NOL4: variants seen among roughly 807,000 people sequenced by gnomAD.
The protein encoded by NOL4 is nucleolar protein 4, also known as cancer/testis antigen 125.
Under a neutral mutation model 75.9 loss-of-function variants are expected in NOL4, and 17 were observed. The ratio of observed to expected loss-of-function variants is 0.22; its 90% confidence interval spans 0.15 to 0.34. The LOEUF is 0.34. Among genes scored for constraint, NOL4 ranks in the 10% least tolerant of loss-of-function variants. NOL4 has a pLI of 1.00. For synonymous variants in NOL4, 292 were observed against 289.9 expected (o/e 1.01, Z -0.07); for missense variants, 614 against 793.5 (o/e 0.77, Z 2.72).
chr18:34,188,207 A>C (rs960165483), intron 1 of NOL4, among the ~76,000 whole-genome samples: 3 of 152,190 alleles, frequency 2.0e-5, no homozygotes, highest in Non-Finnish European at 2.9e-5. Context: ...TATACTTGCC[A>C]CTAAAATAAT....
chr18:34,129,743 G>T, intron 2 of NOL4, 128 bp downstream of exon 2: 1 of 769,528 alleles, frequency 1.3e-6, no homozygotes, highest in Non-Finnish European at 1.9e-6. Context: ...TAAATGTTGG[G>T]CATGACCATC....
chr18:34,016,322 C>T (rs895805444), intron 6 of NOL4, among the ~76,000 whole-genome samples: 4 of 151,982 alleles, frequency 2.6e-5, no homozygotes, highest in African/African-American at 9.7e-5. Flanking sequence ...TTTTCTAGTG[C>T]CTATCCTATT....
At chr18:33,972,924 G>A (rs932660382) in intron 6 of NOL4, among the ~76,000 whole-genome samples, 2 of 152,200 alleles carry the variant, frequency 1.3e-5, no homozygotes, top group Admixed American at 1.3e-4. Context: ...GATCAGCATG[G>A]TGATTGCTGA....
intron 6 of NOL4, among the ~76,000 whole-genome samples, chr18:33,972,178 A>T (rs182194880): frequency 0.02 from 3,092 of 151,954 alleles, 50 homozygotes; most frequent in Non-Finnish European, 0.027. Context: ...AAAAAAAAAA[A>T]TTTAAACAAA....
At chr18:34,134,790 T>C (rs1285608153) in intron 1 of NOL4, among the ~76,000 whole-genome samples, 2 of 152,026 alleles carry the variant, frequency 1.3e-5, no homozygotes, top group Non-Finnish European at 2.9e-5. Context: ...GGAATTAAAT[T>C]AGAAATTAAT....
intron 1 of NOL4, among the ~76,000 whole-genome samples, chr18:34,214,686 T>C (rs1367062810): frequency 6.6e-6 from 1 of 152,030 alleles, no homozygotes; most frequent in Non-Finnish European, 1.5e-5. Context: ...AAATTGAAAG[T>C]AGGGTTTTGA....
chr18:34,216,907 G>A (rs6507078), intron 1 of NOL4, among the ~76,000 whole-genome samples: 27,066 of 151,606 alleles, frequency 0.18, 2,540 homozygotes, highest in East Asian at 0.26. Flanking sequence ...TTCTTTTGTC[G>A]CATTGACAAT....
chr18:34,139,717 C>T (rs535240890), intron 1 of NOL4, among the ~76,000 whole-genome samples: 1 of 152,204 alleles, frequency 6.6e-6, no homozygotes, highest in Admixed American at 6.5e-5. Flanking sequence ...TTGCCTTCTG[C>T]TAGCTTTTGA....
intron 5 of NOL4, among the ~76,000 whole-genome samples, chr18:34,031,372 GAA>G (rs1218417675): frequency 1.3e-5 from 2 of 152,154 alleles, no homozygotes. Flanking sequence ...GAAATGTAAA[GAA>G]AAGACATGTA....
intron 6 of NOL4, among the ~76,000 whole-genome samples, chr18:33,999,434 G>T (rs1283574285): frequency 1.3e-5 from 2 of 151,772 alleles, no homozygotes; most frequent in Non-Finnish European, 2.9e-5. Flanking sequence ...ATTTTCTAAG[G>T]CAATTATGAA....
chr18:34,121,774 A>G (rs968423095), intron 2 of NOL4, among the ~76,000 whole-genome samples: 1 of 152,168 alleles, frequency 6.6e-6, no homozygotes, highest in Non-Finnish European at 1.5e-5. Context: ...ATGTCTCTCA[A>G]CTGGGAGTGT....
chr18:33,946,840 A>G (rs1183521539), intron 8 of NOL4, among the ~76,000 whole-genome samples: 1 of 151,766 alleles, frequency 6.6e-6, no homozygotes, highest in East Asian at 1.9e-4. Context: ...TGAATTCATA[A>G]GATTTTAAAG....
chr18:34,048,177 A>G (rs2076466599), intron 5 of NOL4, among the ~76,000 whole-genome samples: 1 of 152,250 alleles, frequency 6.6e-6, no homozygotes, highest in African/African-American at 2.4e-5. Flanking sequence ...AATAAATTAA[A>G]TGCCAAAAGC....
intron 1 of NOL4, among the ~76,000 whole-genome samples, chr18:34,168,117 G>GA (rs1370037451): frequency 1.3e-5 from 2 of 151,484 alleles, no homozygotes; most frequent in African/African-American, 4.8e-5. Context: ...AGAAATTTAG[G>GA]AAAAATGTCA....
At chr18:34,205,317 C>A (rs2036046557) in intron 1 of NOL4, among the ~76,000 whole-genome samples, 1 of 152,058 alleles carries the variant, frequency 6.6e-6, no homozygotes. Context: ...GAAAATGTAG[C>A]CTAGATATTC....
intron 5 of NOL4, among the ~76,000 whole-genome samples, chr18:34,044,845 T>C (rs1321182867): frequency 6.6e-6 from 1 of 152,176 alleles, no homozygotes; most frequent in East Asian, 1.9e-4. Context: ...ATGGCACCCA[T>C]GCACTTTCAG....
intron 2 of NOL4, among the ~76,000 whole-genome samples, chr18:34,117,767 T>G (rs1432743393): frequency 6.6e-6 from 1 of 152,176 alleles, no homozygotes; most frequent in African/African-American, 2.4e-5. Flanking sequence ...AATAACTGCC[T>G]CTTCCTAAAG....
At chr18:34,217,744 TTGTG>T (rs1303479692) in intron 1 of NOL4, among the ~76,000 whole-genome samples, 1 of 152,114 alleles carries the variant, frequency 6.6e-6, no homozygotes, top group Admixed American at 6.6e-5. Flanking sequence ...TACCACATGC[TTGTG>T]TGTATGTGTG....
intron 5 of NOL4, among the ~76,000 whole-genome samples, chr18:34,033,466 T>C (rs1304559171): frequency 6.6e-6 from 1 of 151,858 alleles, no homozygotes; most frequent in East Asian, 1.9e-4. Flanking sequence ...ATCTCAGAAC[T>C]TGAAGACAGG....
Sources: gnomAD v4.1 joint callset for allele counts (sites outside exome capture counted in the v4.1 genomes callset) on GRCh38, gnomAD v4.1.1 for gene constraint, MANE v1.5 for transcripts, NCBI Gene and HGNC (gene_info 2026-07-23, HGNC 2026-07-21) for gene names.